PTPRT: variants seen among roughly 807,000 people sequenced by gnomAD.
PTPRT encodes the protein receptor-type tyrosine-protein phosphatase T.
A neutral mutation model predicts 176.8 loss-of-function variants in PTPRT; 56 were observed. The observed-to-expected ratio is 0.32, with a 90% CI of 0.26 to 0.40. The LOEUF (loss-of-function observed/expected upper bound fraction) is 0.40. Among genes scored for constraint, PTPRT ranks in the 10% least tolerant of loss-of-function variants. PTPRT has a pLI of 1.00. For synonymous variants in PTPRT, 783 were observed against 739.0 expected, an observed-to-expected ratio of 1.06 and a Z score of -0.96; for missense variants, 1,540 against 1,908.2, an observed-to-expected ratio of 0.81 and a Z score of 3.60.
the PTPRT span, among the ~76,000 whole-genome samples, chr20:42,049,149 T>C: frequency 6.6e-6 from 1 of 152,230 alleles, no homozygotes; most frequent in Non-Finnish European, 1.5e-5. Flanking sequence ...TAGCGAAGTA[T>C]AACTGGAATA....
chr20:42,335,542 T>C (rs1354837739), intron 11 of PTPRT, among the ~76,000 whole-genome samples: 1 of 152,176 alleles, frequency 6.6e-6, no homozygotes, highest in African/African-American at 2.4e-5. Context: ...AAATGATTAC[T>C]TCTATAAATA....
chr20:42,867,815 G>A (rs2078774990), intron 2 of PTPRT, among the ~76,000 whole-genome samples: 1 of 151,486 alleles, frequency 6.6e-6, no homozygotes, highest in Non-Finnish European at 1.5e-5. Flanking sequence ...CCAAGAAGCT[G>A]GGATTACAGG....
rs547948856 is a variant in PTPRT at position 42,894,040 on chromosome 20, TA to T, written c.89-8109del. On this transcript the variant is annotated intron_variant, in intron 1 of 30. Transcript: ENST00000373187. ...AATAAAAAATTAAAAATTAAAAAAT[TA>T]AAAAAAAAAGAACATTTGCTCTGAT... Among the ~76,000 whole-genome samples the T allele has an allele frequency of 4.8e-3, 707 of 147,414 alleles. 6 individuals are homozygous for T. The highest frequency in any genetic ancestry group is 0.015 in the African/African-American group (598 of 40,064).
At chr20:43,140,499 T>C (rs974584571) in intron 1 of PTPRT, among the ~76,000 whole-genome samples, 43 of 150,754 alleles carry the variant, frequency 2.9e-4, no homozygotes, top group Non-Finnish European at 5.5e-4. Context: ...TGTGTGTACA[T>C]ACATGCACGT....
rs1484379674 is a variant in PTPRT at position 42,128,735 on chromosome 20, G to C, written c.2847+19C>G. On this transcript the variant is annotated intron_variant, in intron 19 of 30. Transcript: ENST00000373187. ...CTGCAAAAGCCAGCCCCAGCCCCCA[G>C]CCCCATTAAGACACTCACGTCAATG... is the stretch of plus-strand genomic sequence containing the variant. 6.4e-7 allele frequency: 1 copy of C among 1,569,008 alleles called. No individual in the cohort carries two copies.
the PTPRT span, among the ~76,000 whole-genome samples, chr20:42,051,548 G>A: frequency 1.3e-5 from 2 of 152,174 alleles, no homozygotes; most frequent in Non-Finnish European, 2.9e-5. Context: ...AGGTCCCCCA[G>A]TGAGGGTGAA....
the PTPRT span, among the ~76,000 whole-genome samples, chr20:42,064,421 G>C: frequency 6.6e-6 from 1 of 152,100 alleles, no homozygotes; most frequent in Non-Finnish European, 1.5e-5. Flanking sequence ...TCTCAAGATA[G>C]AGTTCTATAG....
intron 1 of PTPRT, among the ~76,000 whole-genome samples, chr20:42,908,533 A>G (rs2079507280): frequency 6.6e-6 from 1 of 152,174 alleles, no homozygotes; most frequent in Non-Finnish European, 1.5e-5. Flanking sequence ...TGATCTCTTT[A>G]TGACAATAAT....
chr20:42,490,791 T>C (rs771978530), intron 7 of PTPRT, among the ~76,000 whole-genome samples: 6 of 152,206 alleles, frequency 3.9e-5, no homozygotes, highest in Non-Finnish European at 7.4e-5. Flanking sequence ...CTGCATTTTC[T>C]ACATTAGGTA....
At chr20:42,869,717 T>C (rs1040645235) in intron 2 of PTPRT, among the ~76,000 whole-genome samples, 1 of 152,202 alleles carries the variant, frequency 6.6e-6, no homozygotes, top group African/African-American at 2.4e-5. Context: ...TGAGATGGAA[T>C]GAATGTATTT....
At chr20:42,913,889 C>T (rs2145938219) in intron 1 of PTPRT, among the ~76,000 whole-genome samples, 1 of 152,208 alleles carries the variant, frequency 6.6e-6, no homozygotes, top group African/African-American at 2.4e-5. Flanking sequence ...TTTCAAAAGC[C>T]TTTTTGAGAC....
chr20:43,071,149 G>C (rs866119738), intron 1 of PTPRT, among the ~76,000 whole-genome samples: 2 of 152,200 alleles, frequency 1.3e-5, no homozygotes, highest in Middle Eastern at 6.8e-3. Flanking sequence ...GCTGAAGCTG[G>C]ACACCAGCCA....
At chr20:42,515,589 T>C (rs1051694679) in intron 7 of PTPRT, among the ~76,000 whole-genome samples, 3 of 152,290 alleles carry the variant, frequency 2.0e-5, no homozygotes, top group South Asian at 2.1e-4. Flanking sequence ...GCAGCTGGGG[T>C]ACAGAAATGC....
intron 9 of PTPRT, among the ~76,000 whole-genome samples, chr20:42,431,529 T>A (rs1212078749): frequency 1.3e-5 from 2 of 152,200 alleles, no homozygotes; most frequent in Non-Finnish European, 2.9e-5. Flanking sequence ...GTAATTATAG[T>A]TAGGTAAAAG....
chr20:42,985,865 C>T (rs931594098), intron 1 of PTPRT, among the ~76,000 whole-genome samples: 2 of 152,038 alleles, frequency 1.3e-5, no homozygotes, highest in African/African-American at 4.8e-5. Context: ...GGTGAAGGTA[C>T]GCCTCCCTGT....
chr20:42,280,978 A>G (rs987251597), intron 13 of PTPRT, among the ~76,000 whole-genome samples: 1 of 151,984 alleles, frequency 6.6e-6, no homozygotes, highest in Non-Finnish European at 1.5e-5. Flanking sequence ...CATTGCATCC[A>G]TCTCTCCTGG....
chr20:42,979,875 C>G (rs1983169669), intron 1 of PTPRT, among the ~76,000 whole-genome samples: 1 of 151,368 alleles, frequency 6.6e-6, no homozygotes, highest in Admixed American at 6.6e-5. Flanking sequence ...TATCCTGTGT[C>G]CAGCCCCAAA....
chr20:42,829,391 T>G (rs1032053049), intron 2 of PTPRT, among the ~76,000 whole-genome samples: 1 of 152,156 alleles, frequency 6.6e-6, no homozygotes, highest in African/African-American at 2.4e-5. Context: ...CTTGGACTAT[T>G]GAGTTAATGC....
chr20:42,804,947 C>T (rs552897381), intron 2 of PTPRT, among the ~76,000 whole-genome samples: 8 of 152,172 alleles, frequency 5.3e-5, no homozygotes, highest in Admixed American at 2.0e-4. Context: ...CAAATAAGGT[C>T]ACATTTTGAG....
Sources: allele counts gnomAD v4.1 joint callset (sites outside exome capture counted in the v4.1 genomes callset), GRCh38; gene constraint gnomAD v4.1.1; transcripts MANE v1.5; gene names NCBI Gene and HGNC (gene_info 2026-07-23, HGNC 2026-07-21).